PLA2G4E: variants seen among roughly 807,000 people sequenced by gnomAD.
PLA2G4E encodes the protein phospholipase A2 group IVE.
A neutral mutation model predicts 109.1 loss-of-function variants in PLA2G4E; 84 were observed. That is an observed-to-expected ratio of 0.77 (90% CI 0.65 to 0.92). The LOEUF (loss-of-function observed/expected upper bound fraction) is 0.92, where lower values mean the gene tolerates loss of function less well. PLA2G4E is among the 40% of genes least tolerant of loss of function. PLA2G4E has a pLI of 0.00. For missense variants in PLA2G4E, 1,057 were observed against 1,076.6 expected (o/e 0.98, Z 0.25); for synonymous variants, 469 against 436.1 (o/e 1.08, Z -0.94).
intron 1 of PLA2G4E, among the ~76,000 whole-genome samples, chr15:42,030,301 T>G (rs1027064709): frequency 2.6e-5 from 4 of 152,124 alleles, no homozygotes; most frequent in African/African-American, 9.7e-5. Flanking sequence ...CAGCACTGTG[T>G]GTGGTTAGGG....
intron 1 of PLA2G4E, among the ~76,000 whole-genome samples, chr15:42,015,205 C>G (rs2068576996): frequency 6.6e-6 from 1 of 152,186 alleles, no homozygotes; most frequent in Non-Finnish European, 1.5e-5. Flanking sequence ...CTACTTTATC[C>G]CTTTTGGACC....
chr15:41,995,619 G>A (rs2068326756), intron 11 of PLA2G4E, 123 bp from the exon 12 acceptor site: 1 of 1,337,676 alleles, frequency 7.5e-7, no homozygotes, highest in Non-Finnish European at 1.0e-6. Flanking sequence ...AGAGGGCAGG[G>A]AGTGCGGCGT....
chr15:41,984,001 A>G (rs1353595336), intron 19 of PLA2G4E, 27 bp from the exon 20 acceptor site: 34 of 1,566,148 alleles, frequency 2.2e-5, no homozygotes, highest in Non-Finnish European at 3.0e-5. Context: ...GACTTGTTAT[A>G]GACTCTGTCA....
Position 42,044,060 on chromosome 15 carries a change from T to C in PLA2G4E, c.183+6461A>G, listed in dbSNP as rs546126776. 2.6e-5 allele frequency among the ~76,000 whole-genome samples: 4 copies of C among 152,292 alleles called. No individual in the cohort carries two copies. In the East Asian group the frequency reaches 7.7e-4, roughly 29 times the overall value. On this transcript the variant is annotated intron_variant, in intron 1 of 19. Coordinates refer to ENST00000399518, the Ensembl canonical transcript of PLA2G4E. ...CTTTGTTCACTGATGACAGAGACAT[T>C]TGAGCACCTCCTAAATGCTAGGCAC...
intron 1 of PLA2G4E, among the ~76,000 whole-genome samples, chr15:42,017,257 T>A (rs1476570221): frequency 6.6e-6 from 1 of 152,188 alleles, no homozygotes; most frequent in African/African-American, 2.4e-5. Flanking sequence ...ATATCTACTC[T>A]GGCAGGGAAG....
At chr15:42,019,128 G>T (rs1695079827) in intron 1 of PLA2G4E, among the ~76,000 whole-genome samples, 1 of 152,150 alleles carries the variant, frequency 6.6e-6, no homozygotes, top group African/African-American at 2.4e-5. Flanking sequence ...TTGGGTGCAG[G>T]TCTTCAGGGC....
chr15:41,992,757 C>G, exon 13 of PLA2G4E: 1 of 1,612,542 alleles, frequency 6.2e-7, no homozygotes, highest in Non-Finnish European at 8.5e-7. Flanking sequence ...AGGCAGGTCT[C>G]TATCAGCAGG....
At chr15:42,010,122 C>A in intron 2 of PLA2G4E, 1 of 511,238 alleles carries the variant, frequency 2.0e-6, no homozygotes, top group Non-Finnish European at 3.9e-6. Context: ...TTGGCTTTTC[C>A]AGAACACTGG....
intron 1 of PLA2G4E, among the ~76,000 whole-genome samples, chr15:42,032,113 CT>C (rs1299428294): frequency 6.6e-6 from 1 of 152,172 alleles, no homozygotes; most frequent in Non-Finnish European, 1.5e-5. Context: ...CCCTGTCAGC[CT>C]TCTGCCACGA....
exon 11 of PLA2G4E, chr15:41,997,138 G>A (rs1209297135): frequency 1.8e-5 from 28 of 1,569,216 alleles, no homozygotes; most frequent in Non-Finnish European, 2.4e-5. Flanking sequence ...TCCTCCTGCA[G>A]GTCTTCCTCC....
At chr15:41,984,103 C>A in intron 19 of PLA2G4E, 129 bp from the exon 20 acceptor site, 1 of 834,712 alleles carries the variant, frequency 1.2e-6, no homozygotes, top group Non-Finnish European at 1.9e-6. Flanking sequence ...AACCTGTACA[C>A]ACGCACACCC....
At chr15:41,985,611 C>T (rs184191861) in intron 18 of PLA2G4E, among the ~76,000 whole-genome samples, 11 of 152,342 alleles carry the variant, frequency 7.2e-5, no homozygotes, top group East Asian at 5.8e-4. Context: ...GAGTAAAATT[C>T]GAATTTGCTA....
chr15:42,035,207 C>T (rs2141073220), intron 1 of PLA2G4E, among the ~76,000 whole-genome samples: 1 of 152,338 alleles, frequency 6.6e-6, no homozygotes, highest in South Asian at 2.1e-4. Flanking sequence ...TCCTGTTCTT[C>T]TCGCCTCATT....
exon 15 of PLA2G4E, chr15:41,989,512 C>T (rs773417596): frequency 1.9e-6 from 3 of 1,613,924 alleles, no homozygotes; most frequent in South Asian, 2.2e-5. Context: ...AGGCCCCATA[C>T]TTCTGCAGGC....
intron 14 of PLA2G4E, 103 bp from the exon 15 acceptor site, chr15:41,989,655 G>A: frequency 1.4e-6 from 2 of 1,447,914 alleles, no homozygotes; most frequent in East Asian, 2.5e-5. Context: ...GCCTTGGAAA[G>A]CCTGGGACAG....
intron 1 of PLA2G4E, among the ~76,000 whole-genome samples, chr15:42,041,239 T>C (rs1031037230): frequency 1.3e-5 from 2 of 152,244 alleles, no homozygotes; most frequent in African/African-American, 4.8e-5. Flanking sequence ...ATTATTCCCA[T>C]AATATTTTAA....
chr15:42,005,561 TCTGA>T (rs1483641862), intron 4 of PLA2G4E, among the ~76,000 whole-genome samples: 1 of 152,214 alleles, frequency 6.6e-6, no homozygotes. Flanking sequence ...GGGCTCCAGC[TCTGA>T]CTGTCTCTGA....
intron 1 of PLA2G4E, among the ~76,000 whole-genome samples, chr15:42,048,842 C>T (rs1889460862): frequency 6.6e-6 from 1 of 152,222 alleles, no homozygotes; most frequent in African/African-American, 2.4e-5. Flanking sequence ...GTGCTCTTCA[C>T]CACTTGAATG....
At chr15:41,999,194 T>G (rs2068385959) in intron 10 of PLA2G4E, 2 of 216,924 alleles carry the variant, frequency 9.2e-6, no homozygotes, top group African/African-American at 4.6e-5. Flanking sequence ...TCCTTTGTGC[T>G]TCAAAGGACA....
Sources: gnomAD v4.1 joint callset for allele counts (sites outside exome capture counted in the v4.1 genomes callset) on GRCh38, gnomAD v4.1.1 for gene constraint, MANE v1.5 for transcripts, NCBI Gene and HGNC (gene_info 2026-07-23, HGNC 2026-07-21) for gene names.